COBL: variants seen among roughly 807,000 people sequenced by gnomAD.
The protein encoded by COBL is protein cordon-bleu.
A neutral mutation model predicts 98.8 loss-of-function variants in COBL; 51 were observed. That is an observed-to-expected ratio of 0.52 (90% CI 0.41 to 0.65). The LOEUF is 0.65. Ranked by LOEUF, COBL falls within the 30% of genes least tolerant of loss-of-function variation. The pLI, the probability that COBL is intolerant of heterozygous loss-of-function variation, is 0.00. For synonymous variants in COBL, 634 were observed against 651.7 expected (o/e 0.97, Z 0.41); for missense variants, 1,617 against 1,617.5 (o/e 1.00, Z 0.01).
intron 12 of COBL, chr7:51,022,823 C>T (rs188820988): frequency 3.9e-5 from 6 of 152,272 alleles, no homozygotes; most frequent in East Asian, 1.9e-4. Context: ...GGATCCCAGT[C>T]GGTGCAATTC....
chr7:51,127,802 G>A (rs1798365258), intron 6 of COBL, among the ~76,000 whole-genome samples: 1 of 152,170 alleles, frequency 6.6e-6, no homozygotes. Context: ...CAGCTCTTTT[G>A]GGGGACAGAA....
At chr7:51,087,524 A>T (rs1326888211) in intron 6 of COBL, among the ~76,000 whole-genome samples, 1 of 151,390 alleles carries the variant, frequency 6.6e-6, no homozygotes, top group East Asian at 2.0e-4. Flanking sequence ...TTTGAGACAG[A>T]GTCTCACTCT....
At chr7:51,045,136 A>G (rs1789568664) in intron 7 of COBL, among the ~76,000 whole-genome samples, 1 of 152,188 alleles carries the variant, frequency 6.6e-6, no homozygotes, top group African/African-American at 2.4e-5. Flanking sequence ...CCTGTTTCCC[A>G]TCACTCCTCT....
intron 1 of COBL, among the ~76,000 whole-genome samples, chr7:51,290,334 G>A (rs1800775553): frequency 6.6e-6 from 1 of 152,288 alleles, no homozygotes; most frequent in Admixed American, 6.5e-5. Context: ...GGGGAACATG[G>A]ATTCTGAAGG....
Position 51,107,375 on chromosome 7 carries a change from C to T in COBL, c.958-22071G>A, listed in dbSNP as rs185117924. Among the ~76,000 whole-genome samples the T allele has an allele frequency of 7.1e-3, 1,087 of 152,224 alleles. 13 individuals are homozygous for T. Among genetic ancestry groups the T allele is most frequent in the African/African-American group, 0.025 (1,055 of 41,538 alleles). ...GTGCTGGGATTACAGGTGTGAGCCA[C>T]CACACCCAGCCCTAGTATTTTTAAA... is the stretch of plus-strand genomic sequence containing the variant. On this transcript the variant is annotated intron_variant, in intron 6 of 12. Coordinates refer to ENST00000265136, the MANE Select transcript of COBL (RefSeq NM_015198.5).
At chr7:51,056,869 A>G (rs1319542101) in intron 7 of COBL, among the ~76,000 whole-genome samples, 1 of 150,332 alleles carries the variant, frequency 6.7e-6, no homozygotes, top group Non-Finnish European at 1.5e-5. Flanking sequence ...CCATCATAGT[A>G]GTCCCTCCTT....
chr7:51,147,321 G>C (rs1785122089), intron 5 of COBL, among the ~76,000 whole-genome samples: 1 of 152,194 alleles, frequency 6.6e-6, no homozygotes, highest in South Asian at 2.1e-4. Flanking sequence ...GTTACTTGGT[G>C]CTGTAAAGAA....
chr7:51,200,185 T>G (rs190054749), intron 2 of COBL, among the ~76,000 whole-genome samples: 1 of 152,188 alleles, frequency 6.6e-6, no homozygotes, highest in Non-Finnish European at 1.5e-5. Context: ...AGTTTAAGGA[T>G]GAAGGAGAGA....
intron 1 of COBL, among the ~76,000 whole-genome samples, chr7:51,227,853 T>C (rs2129099742): frequency 6.6e-6 from 1 of 152,330 alleles, no homozygotes; most frequent in Middle Eastern, 3.4e-3. Flanking sequence ...CCCCACTGTC[T>C]TGGCCCCTGC....
intron 1 of COBL, among the ~76,000 whole-genome samples, chr7:51,288,087 T>A (rs1005448759): frequency 6.6e-6 from 1 of 152,154 alleles, no homozygotes; most frequent in Admixed American, 6.5e-5. Context: ...ATTCATGGAA[T>A]TATGAAAGAA....
chr7:51,211,195 C>T (rs1792391698), intron 2 of COBL, among the ~76,000 whole-genome samples: 1 of 152,188 alleles, frequency 6.6e-6, no homozygotes, highest in Non-Finnish European at 1.5e-5. Context: ...CTCCTCACCA[C>T]CTCTGATGGA....
chr7:51,122,111 T>A (rs1797792597), intron 6 of COBL, among the ~76,000 whole-genome samples: 1 of 152,218 alleles, frequency 6.6e-6, no homozygotes. Context: ...CCATACAATG[T>A]CACACTCTAG....
intron 1 of COBL, among the ~76,000 whole-genome samples, chr7:51,221,595 A>C (rs942993367): frequency 6.6e-6 from 1 of 152,216 alleles, no homozygotes; most frequent in Non-Finnish European, 1.5e-5. Context: ...TTATTTGTTT[A>C]GGAAAATTCT....
intron 5 of COBL, among the ~76,000 whole-genome samples, chr7:51,170,640 G>T (rs1584042520): frequency 6.6e-6 from 1 of 151,412 alleles, no homozygotes; most frequent in Middle Eastern, 3.5e-3. Context: ...GTGTCAGCGT[G>T]GATGAAACTG....
intron 5 of COBL, among the ~76,000 whole-genome samples, chr7:51,168,709 T>C (rs569302072): frequency 6.6e-6 from 1 of 152,286 alleles, no homozygotes; most frequent in Non-Finnish European, 1.5e-5. Flanking sequence ...AACTGTTTGG[T>C]GGTTCCTCAA....
At chr7:51,189,756 G>A (rs1257399746) in intron 4 of COBL, among the ~76,000 whole-genome samples, 1 of 152,188 alleles carries the variant, frequency 6.6e-6, no homozygotes, top group African/African-American at 2.4e-5. Context: ...TTCAATATTT[G>A]TGGAATAATG....
chr7:51,156,606 A>G, intron 5 of COBL: 1 of 983,824 alleles, frequency 1.0e-6, no homozygotes, highest in East Asian at 1.1e-4. Context: ...CTCACCCCAC[A>G]TGGAGGGTCA....
chr7:51,312,314 T>C (rs906615822), intron 1 of COBL, among the ~76,000 whole-genome samples: 2 of 151,998 alleles, frequency 1.3e-5, no homozygotes, highest in African/African-American at 4.8e-5. Flanking sequence ...CTGGGTGACA[T>C]GGTGAGATTA....
intron 6 of COBL, among the ~76,000 whole-genome samples, chr7:51,110,116 G>A (rs1796691689): frequency 6.6e-6 from 1 of 152,092 alleles, no homozygotes. Context: ...TCTTTGTATT[G>A]TAAACATTTA....
Sources: gnomAD v4.1 joint callset for allele counts (sites outside exome capture counted in the v4.1 genomes callset) on GRCh38, gnomAD v4.1.1 for gene constraint, MANE v1.5 for transcripts, NCBI Gene and HGNC (gene_info 2026-07-23, HGNC 2026-07-21) for gene names.